The following JAKMIP2 variants were observed in gnomAD, a reference collection of about 807,000 sequenced individuals.
JAKMIP2 encodes the protein janus kinase and microtubule interacting protein 2.
JAKMIP2 carries 25 observed loss-of-function variants against 115.0 expected under a neutral mutation model. That is an observed-to-expected ratio of 0.22 (90% confidence interval 0.16 to 0.30). JAKMIP2 has a LOEUF of 0.30. JAKMIP2 is among the 10% of genes least tolerant of loss of function. The pLI, the probability that JAKMIP2 is intolerant of heterozygous loss-of-function variation, is 1.00. For missense variants in JAKMIP2, 642 were observed against 957.6 expected (o/e 0.67, Z 4.35); for synonymous variants, 334 against 343.6 (o/e 0.97, Z 0.31).
intron 3 of JAKMIP2, among the ~76,000 whole-genome samples, chr5:147,655,758 C>A (rs573111101): frequency 6.6e-6 from 1 of 152,050 alleles, no homozygotes; most frequent in Non-Finnish European, 1.5e-5. Flanking sequence ...TTTGCTCTTT[C>A]TTCTCTAGTT....
chr5:147,636,629 A>G (rs924960927), intron 11 of JAKMIP2, among the ~76,000 whole-genome samples: 4 of 152,232 alleles, frequency 2.6e-5, no homozygotes, highest in Non-Finnish European at 4.4e-5. Flanking sequence ...ATTAAAATGC[A>G]GAACCATAAA....
chr5:147,755,896 A>C (rs1192259597), intron 1 of JAKMIP2, among the ~76,000 whole-genome samples: 1 of 152,178 alleles, frequency 6.6e-6, no homozygotes, highest in South Asian at 2.1e-4. Context: ...ACTAGGATAT[A>C]AGTCAATTAA....
rs1755032724 is a variant in JAKMIP2 at position 147,589,915 on chromosome 5, C to G, written c.*1792G>C. ...AATAATACAGCACTTGTAATAATTA[C>G]AAAGCACATTGTGCTACTTTAAGCA... On this transcript the variant is annotated 3_prime_UTR_variant, in exon 22 of 22. Coordinates refer to ENST00000616793, the MANE Select transcript of JAKMIP2 (RefSeq NM_001270941.2). 2 of 152,164 alleles carry G rather than the reference C, an allele frequency of 1.3e-5. No individual in the cohort carries two copies. Among genetic ancestry groups the G allele is most frequent in the Non-Finnish European group, 2.9e-5 (2 of 68,028 alleles). 9.4% of individuals were successfully genotyped at this position (152,164 alleles called of 1,614,324 possible). A position where few individuals can be genotyped will look rare whatever the true frequency, so the allele number is the denominator to read the frequency against.
At chr5:147,693,685 G>A (rs1751975981) in intron 1 of JAKMIP2, among the ~76,000 whole-genome samples, 1 of 151,936 alleles carries the variant, frequency 6.6e-6, no homozygotes, top group Admixed American at 6.6e-5. Context: ...AAAACTCCCT[G>A]CTTTCATTCT....
At chr5:147,654,802 G>A (rs13158025) in intron 3 of JAKMIP2, among the ~76,000 whole-genome samples, 38,379 of 151,936 alleles carry the variant, frequency 0.25, 6,121 homozygotes, top group East Asian at 0.46. Context: ...GTTTTCAAAG[G>A]GAATTCTTCC....
At chr5:147,769,684 T>A (rs1755277002) in intron 1 of JAKMIP2, among the ~76,000 whole-genome samples, 1 of 150,492 alleles carries the variant, frequency 6.6e-6, no homozygotes. Context: ...TGAGACAAGA[T>A]CTTTTTTTTT....
At chr5:147,636,791 G>A (rs1027167994) in intron 11 of JAKMIP2, among the ~76,000 whole-genome samples, 174 bp downstream of exon 11, 5 of 152,074 alleles carry the variant, frequency 3.3e-5, no homozygotes, top group Admixed American at 3.3e-4. Flanking sequence ...TTCATACTCT[G>A]GCCAGAAAAA....
intron 1 of JAKMIP2, among the ~76,000 whole-genome samples, chr5:147,700,770 T>G (rs559539382): frequency 1.3e-5 from 2 of 152,292 alleles, no homozygotes; most frequent in South Asian, 4.1e-4. Flanking sequence ...TTTATTGCCT[T>G]TCTGGAATTT....
At chr5:147,597,884 GC>G (rs1459230047) in intron 21 of JAKMIP2, among the ~76,000 whole-genome samples, 1 of 152,194 alleles carries the variant, frequency 6.6e-6, no homozygotes, top group African/African-American at 2.4e-5. Flanking sequence ...AGGTCCTTCA[GC>G]CTTTGGACTC....
At chr5:147,666,006 A>C (rs971436806) in intron 2 of JAKMIP2, among the ~76,000 whole-genome samples, 53 of 152,236 alleles carry the variant, frequency 3.5e-4, no homozygotes, top group African/African-American at 1.3e-3. Context: ...AAACAAAAAC[A>C]AACACTGTCT....
chr5:147,591,722 A>C, intron 21 of JAKMIP2, 36 bp from the exon 22 acceptor site: 1 of 1,268,558 alleles, frequency 7.9e-7, no homozygotes, highest in South Asian at 1.3e-5. Context: ...TTATATATCA[A>C]TTTTGTTAAT....
intron 1 of JAKMIP2, among the ~76,000 whole-genome samples, chr5:147,743,942 C>G (rs373480697): frequency 3.9e-4 from 60 of 152,042 alleles, no homozygotes; most frequent in South Asian, 2.1e-3. Flanking sequence ...AGCTAGCCAG[C>G]TTTCTTTCCC....
intron 2 of JAKMIP2, among the ~76,000 whole-genome samples, chr5:147,664,862 A>G (rs944860156): frequency 6.6e-6 from 1 of 151,828 alleles, no homozygotes; most frequent in Non-Finnish European, 1.5e-5. Flanking sequence ...ATGCTGTTAT[A>G]TCTCTCTGGC....
At chr5:147,650,227 T>C (rs1758329292) in intron 4 of JAKMIP2, 111 bp downstream of exon 4, 2 of 708,542 alleles carry the variant, frequency 2.8e-6, no homozygotes, top group African/African-American at 3.5e-5. Context: ...TAGTAGAAGG[T>C]AGATTGATTT....
intron 1 of JAKMIP2, among the ~76,000 whole-genome samples, chr5:147,691,492 C>T (rs922339233): frequency 3.9e-4 from 59 of 152,238 alleles, no homozygotes; most frequent in African/African-American, 1.3e-3. Flanking sequence ...TACTTGAATA[C>T]GATGCAGACG....
intron 21 of JAKMIP2, chr5:147,594,337 C>CTTTTTTTTTTT: frequency 2.7e-6 from 1 of 366,854 alleles, no homozygotes; most frequent in Non-Finnish European, 5.8e-6. Context: ...GCTACAAATT[C>CTTTTTTTTTTT]TTTTTTTTTC....
At chr5:147,635,566 GT>G (rs1275601162) in intron 12 of JAKMIP2, among the ~76,000 whole-genome samples, 1 of 152,054 alleles carries the variant, frequency 6.6e-6, no homozygotes. Context: ...GTTTTGTTTT[GT>G]TTTGTTTTTT....
chr5:147,740,045 C>A (rs1004421133), intron 1 of JAKMIP2, among the ~76,000 whole-genome samples: 12 of 152,212 alleles, frequency 7.9e-5, no homozygotes, highest in African/African-American at 2.7e-4. Flanking sequence ...ATAAACAGCT[C>A]TTTCTCCTTT....
Position 147,745,480 on chromosome 5 carries a change from G to T in JAKMIP2, c.-149+36976C>A, listed in dbSNP as rs188558053. ...ATTGTCTTTGGTTTCACTTACCTAG[G>T]ATTGTCTTAGGATTCATCCAGGAGG... On this transcript the variant is annotated intron_variant, in intron 1 of 21. Transcript: ENST00000616793. 2.6e-5 allele frequency among the ~76,000 whole-genome samples: 4 copies of T among 152,210 alleles called. No individual in the cohort carries two copies. The East Asian group carries it at 7.7e-4, about 29-fold the overall frequency.
Sources: gnomAD v4.1 joint callset for allele counts (sites outside exome capture counted in the v4.1 genomes callset) on GRCh38, gnomAD v4.1.1 for gene constraint, MANE v1.5 for transcripts, NCBI Gene and HGNC (gene_info 2026-07-23, HGNC 2026-07-21) for gene names.